The following PRXL2C variants were observed in gnomAD, a reference collection of about 807,000 sequenced individuals.
PRXL2C encodes the protein peroxiredoxin like 2C, also known as peroxiredoxin-like 2C.
Under a neutral mutation model 24.9 loss-of-function variants are expected in PRXL2C, and 38 were observed. The ratio of observed to expected loss-of-function variants is 1.53; its 90% CI spans 1.18 to 2.00. The LOEUF (loss-of-function observed/expected upper bound fraction) is 2.00. Among genes scored for constraint, PRXL2C ranks in the 30% most tolerant of loss-of-function variants. PRXL2C has a pLI of 0.00. For missense variants in PRXL2C, 294 were observed against 290.9 expected (o/e 1.01, Z -0.08); for synonymous variants, 98 against 117.2 (o/e 0.84, Z 1.06).
Position 96,643,006 on chromosome 9 carries a change from C to T in PRXL2C, c.554-1120G>A, listed in dbSNP as rs117925355. 2.7e-3 allele frequency among the ~76,000 whole-genome samples: 407 copies of T among 152,148 alleles called. 1 individual carries two copies. Among genetic ancestry groups the T allele is most frequent in the Non-Finnish European group, 4.4e-3 (302 of 68,006 alleles). On this transcript the variant is annotated intron_variant, in intron 5 of 5. Coordinates refer to ENST00000375234, the MANE Select transcript of PRXL2C (RefSeq NM_153698.2). ...CCTGGTCATTATTCCCTAAATAGTACAGTACAACAACTATTTACATTGCAT... is the reference window on the plus strand; with the variant it reads ...CCTGGTCATTATTCCCTAAATAGTATAGTACAACAACTATTTACATTGCAT...
At chr9:96,648,532 C>T (rs2119182853) in intron 4 of PRXL2C, among the ~76,000 whole-genome samples, 1 of 151,844 alleles carries the variant, frequency 6.6e-6, no homozygotes, top group South Asian at 2.1e-4. Flanking sequence ...GAGATTTATG[C>T]TTTATGTTTT....
intron 4 of PRXL2C, among the ~76,000 whole-genome samples, chr9:96,646,950 C>T (rs1012991567): frequency 3.1e-4 from 47 of 152,272 alleles, no homozygotes; most frequent in African/African-American, 1.1e-3. Context: ...GCCACCACGC[C>T]CGGCTAGTTT....
intron 2 of PRXL2C, among the ~76,000 whole-genome samples, chr9:96,651,949 A>C (rs1372722471): frequency 6.6e-6 from 1 of 152,182 alleles, no homozygotes; most frequent in African/African-American, 2.4e-5. Context: ...TAAAACTATA[A>C]AACTACTAGA....
At chr9:96,653,043 C>T (rs1848292811) in intron 2 of PRXL2C, among the ~76,000 whole-genome samples, 1 of 151,962 alleles carries the variant, frequency 6.6e-6, no homozygotes, top group Non-Finnish European at 1.5e-5. Flanking sequence ...CTGGCTAACA[C>T]GGTGAAACCC....
In PRXL2C at chr9:96,641,600, A is replaced by C; in HGVS notation, c.*159T>G. On this transcript the variant is annotated 3_prime_UTR_variant, in exon 6 of 6. Transcript: ENST00000375234. Reference sequence around the variant, plus strand: ...CATATTTTGACAACTGATGCTTCCCAGCATGCAATTCAACAGGTTCAAGCC... The same window carrying C: ...CATATTTTGACAACTGATGCTTCCCCGCATGCAATTCAACAGGTTCAAGCC... 2 of 530,292 alleles carry C rather than the reference A, an allele frequency of 3.8e-6. No individual in the cohort carries two copies. The highest frequency in any genetic ancestry group is 6.0e-6 in the Non-Finnish European group (2 of 331,814). The allele number at this position is 530,292 out of a possible 1,614,324, so 32.8% of individuals were successfully genotyped here.
chr9:96,654,913 G>A (rs1848330899), intron 1 of PRXL2C, 140 bp from the exon 2 acceptor site: 1 of 1,192,064 alleles, frequency 8.4e-7, no homozygotes, highest in East Asian at 3.0e-5. Context: ...CGCCCGGCGC[G>A]TGGGAAGCGG....
intron 3 of PRXL2C, 77 bp downstream of exon 3, chr9:96,651,582 T>C (rs1848265635): frequency 6.5e-7 from 1 of 1,546,100 alleles, no homozygotes; most frequent in African/African-American, 1.4e-5. Flanking sequence ...TAGCCTACAT[T>C]TAGTGGTTTA....
At chr9:96,642,200 C>T (rs186088614) in intron 5 of PRXL2C, among the ~76,000 whole-genome samples, 100 of 152,156 alleles carry the variant, frequency 6.6e-4, no homozygotes, top group Non-Finnish European at 1.1e-3. Flanking sequence ...GGGCAGAATA[C>T]GGAACTCACA....
chr9:96,642,271 A>G (rs1188778399), intron 5 of PRXL2C, among the ~76,000 whole-genome samples: 3 of 152,142 alleles, frequency 2.0e-5, no homozygotes, highest in Non-Finnish European at 4.4e-5. Context: ...TAAATATAAT[A>G]AGGAAATAAA....
intron 4 of PRXL2C, among the ~76,000 whole-genome samples, chr9:96,649,705 A>T (rs1848245082): frequency 2.0e-5 from 3 of 151,978 alleles, no homozygotes; most frequent in Non-Finnish European, 2.9e-5. Flanking sequence ...TGTCTGCCCT[A>T]CAACCCTGTC....
Position 96,655,208 on chromosome 9 carries a change from T to C in PRXL2C, c.74A>G (p.Asp25Gly). Residue 25 changes from aspartate to glycine, a missense_variant, in exon 1 of 6, where the codon GAC becomes GGC. Asp to Gly is a moderately conservative substitution (Grantham distance 94). Coordinates refer to ENST00000375234, the MANE Select transcript of PRXL2C (RefSeq NM_153698.2). ...GGCGGCCGCCAGGGGCTGCCCGCTG[T>C]CGGGGCCGCTCGGGGCCGGGACCAG... The part of the protein sequence containing the change: ...AALVPAPSGP[D>G]SGQPLAAAVA... 2.6e-6 allele frequency: 3 copies of C among 1,159,848 alleles called. No individual in the cohort carries two copies. Among genetic ancestry groups the C allele is most frequent in the Non-Finnish European group, 3.2e-6 (3 of 943,776 alleles). The allele number at this position is 1,159,848 out of a possible 1,614,324, so 71.8% of individuals were successfully genotyped here.
Position 96,651,416 on chromosome 9 carries a change from T to C in PRXL2C, c.395A>G (p.Lys132Arg). 6.2e-7 allele frequency: 1 copy of C among 1,612,730 alleles called. No homozygotes were observed. Among genetic ancestry groups the C allele is most frequent in the Non-Finnish European group, 8.5e-7 (1 of 1,179,664 alleles). The change falls in exon 4 of 6, where the codon AAA becomes AGA. Residue 132 changes from lysine to arginine, a missense_variant. By Grantham distance (26) the Lys-to-Arg change is conservative. Transcript: ENST00000375234. ...TGAGGAAGCAATTTCTTCACCTCTT[T>C]TCATTCCCAATCTTTTATAAATTTC... Reference protein sequence around the residue: ...EREIYKRLGMKRGEEIASSGQ... With the variant: ...EREIYKRLGMRRGEEIASSGQ...
chr9:96,655,176 C>T lies in PRXL2C; in HGVS notation c.106G>A (p.Glu36Lys), dbSNP rs1293221526. 1.6e-6 allele frequency: 2 copies of T among 1,222,384 alleles called. No homozygotes were observed. Among genetic ancestry groups the T allele is most frequent in the Non-Finnish European group, 2.0e-6 (2 of 983,600 alleles). 75.7% of individuals were successfully genotyped at this position (1,222,384 alleles called of 1,614,324 possible). A position where few individuals can be genotyped will look rare whatever the true frequency, so the allele number is the denominator to read the frequency against. The change falls in exon 1 of 6, where the codon GAG (glutamate) becomes AAG (lysine). Residue 36 changes from glutamate (E) to lysine (K), a missense_variant. Transcript: ENST00000375234. ...CCGCGGGCGTCCAGCACCGGCAGCT[C>T]GGCCACGGCGGCCGCCAGGGGCTGC... is the stretch of plus-strand genomic sequence containing the variant. ...SGQPLAAAVA[E>K]LPVLDARGQR...
rs777443985 is a variant in PRXL2C, at chr9:96,651,760, G to A, written c.262-48C>T. 2.7e-6 allele frequency: 4 copies of A among 1,487,430 alleles called. No individual in the cohort carries two copies. The African/African-American group carries it at 4.4e-5, about 16-fold the overall frequency. 92.1% of individuals were successfully genotyped at this position (1,487,430 alleles called of 1,614,324 possible). A position where few individuals can be genotyped will look rare whatever the true frequency, so the allele number is the denominator to read the frequency against. On this transcript the variant is annotated intron_variant, in intron 2 of 5. Transcript: ENST00000375234. ...GTATATATCATTAGAAATTATGCATGTTTTATACAACATCCCTTAACCCAA... is the reference window on the plus strand; with the variant it reads ...GTATATATCATTAGAAATTATGCATATTTTATACAACATCCCTTAACCCAA...
At chr9:96,654,963 A>C in intron 1 of PRXL2C, 127 bp downstream of exon 1, 1 of 1,256,916 alleles carries the variant, frequency 8.0e-7, no homozygotes, top group Non-Finnish European at 1.0e-6. Context: ...CCTAGTTGGG[A>C]AGCGGCCGCG....
At position 96,641,039 on chromosome 9, in the gene PRXL2C, T is replaced by G. The variant is rs546056701; in HGVS notation, c.*720A>C. On this transcript the variant is annotated 3_prime_UTR_variant, in exon 6 of 6. Transcript: ENST00000375234. ...ATGTGAAATGTTCGGATTGCCACAC[T>G]TCCTCTGAGTAAAGCAATTACGATG... 2.0e-5 allele frequency: 3 copies of G among 152,282 alleles called. No individual in the cohort carries two copies. The East Asian group carries it at 5.8e-4, about 29-fold the overall frequency. The allele number at this position is 152,282 out of a possible 1,614,324, so 9.4% of individuals were successfully genotyped here.
rs1361603119 is a variant in PRXL2C at position 96,641,440 on chromosome 9, ACT to A, written c.*317_*318del. On this transcript the variant is annotated 3_prime_UTR_variant, in exon 6 of 6. Coordinates refer to ENST00000375234, the MANE Select transcript of PRXL2C (RefSeq NM_153698.2). Reference sequence around the variant, plus strand: ...CTGTCAGAATTTATATTGCCAAAAAACTCTTTCATTGACTGAATATACCATAA... The same window carrying A: ...CTGTCAGAATTTATATTGCCAAAAAACTTTCATTGACTGAATATACCATAA... 8.6e-5 allele frequency: 15 copies of A among 174,804 alleles called. No homozygotes were observed. In the East Asian group the frequency reaches 2.3e-3, roughly 26 times the overall value. The allele number at this position is 174,804 out of a possible 1,614,324, so 10.8% of individuals were successfully genotyped here. A position where few individuals can be genotyped will look rare whatever the true frequency, so the allele number is the denominator to read the frequency against.
At chr9:96,646,318 C>T (rs1403321034) in intron 4 of PRXL2C, among the ~76,000 whole-genome samples, 1 of 152,210 alleles carries the variant, frequency 6.6e-6, no homozygotes, top group Admixed American at 6.5e-5. Context: ...GTAAATGTCC[C>T]AGTTAAGAAC....
chr9:96,653,619 A>G (rs1848305971), intron 2 of PRXL2C, among the ~76,000 whole-genome samples: 2 of 152,234 alleles, frequency 1.3e-5, no homozygotes. Flanking sequence ...ACTATCTGAC[A>G]TGATGGATGT....
Sources: allele counts gnomAD v4.1 joint callset (sites outside exome capture counted in the v4.1 genomes callset), GRCh38; gene constraint gnomAD v4.1.1; transcripts MANE v1.5; gene names NCBI Gene and HGNC (gene_info 2026-07-23, HGNC 2026-07-21).